The following HADHA variants were observed in gnomAD, a reference collection of about 807,000 sequenced individuals.
HADHA encodes the protein hydroxyacyl-CoA dehydrogenase trifunctional multienzyme complex subunit alpha.
A neutral mutation model predicts 91.3 loss-of-function variants in HADHA; 59 were observed. The ratio of observed to expected loss-of-function variants is 0.65; its 90% CI spans 0.52 to 0.80. The LOEUF (loss-of-function observed/expected upper bound fraction) is 0.80, where lower values mean the gene tolerates loss of function less well. HADHA is among the 30% of genes least tolerant of loss of function. The pLI is 0.00. For missense variants in HADHA, 800 were observed against 927.6 expected, an observed-to-expected ratio of 0.86 and a Z score of 1.79; for synonymous variants, 320 against 338.9, an observed-to-expected ratio of 0.94 and a Z score of 0.61.
At chr2:26,225,128 T>C (rs571442396) in intron 7 of HADHA, among the ~76,000 whole-genome samples, 1 of 152,278 alleles carries the variant, frequency 6.6e-6, no homozygotes, top group African/African-American at 2.4e-5. Flanking sequence ...AGCCCAGGAA[T>C]TACTGGTTAA....
At chr2:26,212,364 G>T in intron 10 of HADHA, 1 of 578,258 alleles carries the variant, frequency 1.7e-6, no homozygotes, top group Non-Finnish European at 3.1e-6. Flanking sequence ...TGGGATTACA[G>T]GGGTAAACCA....
chr2:26,199,898 T>C (rs1359776442), intron 13 of HADHA, among the ~76,000 whole-genome samples: 2 of 152,146 alleles, frequency 1.3e-5, no homozygotes, highest in Non-Finnish European at 2.9e-5. Flanking sequence ...TCCTGCGGAA[T>C]GCAGCCCAGG....
Position 26,222,160 on chromosome 2 carries a change from GA to G in HADHA, c.677-6986del, listed in dbSNP as rs142337048. Among the ~76,000 whole-genome samples the G allele has an allele frequency of 5.4e-3, 819 of 152,244 alleles. 6 individuals carry two copies. The highest frequency in any genetic ancestry group is 0.019 in the African/African-American group (794 of 41,550). ...AATCTGACTGGTATCCTTATGAGAA[GA>G]AAAAATTTGGAAACACAAAAGAGAT... On this transcript the variant is annotated intron_variant, in intron 7 of 19. Coordinates refer to ENST00000380649, the MANE Select transcript of HADHA (RefSeq NM_000182.5).
At chr2:26,195,071 C>G (rs541108033) in intron 15 of HADHA, 21 bp downstream of exon 15, 1 of 1,603,128 alleles carries the variant, frequency 6.2e-7, no homozygotes, top group African/African-American at 1.3e-5. Flanking sequence ...AACTCTGCAG[C>G]TCTGTTATAC....
chr2:26,231,928 C>G (rs1670633137), intron 6 of HADHA, among the ~76,000 whole-genome samples: 1 of 146,234 alleles, frequency 6.8e-6, no homozygotes, highest in Non-Finnish European at 1.5e-5. Context: ...GAGATCACAC[C>G]ACTGCACTCT....
chr2:26,217,448 A>G (rs898954992), intron 7 of HADHA, among the ~76,000 whole-genome samples: 9 of 152,246 alleles, frequency 5.9e-5, no homozygotes, highest in African/African-American at 2.2e-4. Context: ...CTATAAGCCC[A>G]TATGTCCAAG....
Position 26,194,757 on chromosome 2 carries a change from C to A in HADHA, c.1621-119G>T, listed in dbSNP as rs144735754. ...AAAGTCACTGTAAAACTTAAGGTGA[C>A]TTAAAATCTCAATCAGAATCCTTAA... is the stretch of plus-strand genomic sequence containing the variant. On this transcript the variant is annotated intron_variant, in intron 15 of 19. Transcript: ENST00000380649. The A allele has an allele frequency of 6.6e-6, 5 of 760,682 alleles. No individual in the cohort carries two copies. In the African/African-American group the frequency reaches 6.8e-5, roughly 10 times the overall value. 47.1% of individuals were successfully genotyped at this position (760,682 alleles called of 1,614,324 possible). A position where few individuals can be genotyped will look rare whatever the true frequency, so the allele number is the denominator to read the frequency against.
At position 26,197,712 on chromosome 2, in the gene HADHA, A is replaced by C; in HGVS notation, c.1458T>G (p.Ala486=). The C allele has an allele frequency of 6.6e-7, 1 of 1,514,256 alleles. No individual in the cohort carries two copies. The highest frequency in any genetic ancestry group is 9.2e-7 in the Non-Finnish European group (1 of 1,088,532). The allele number at this position is 1,514,256 out of a possible 1,614,324, so 93.8% of individuals were successfully genotyped here. ...TSALPISEIA[A]VSKRPEKVIG... ...TTACCTTCTCAGGTCTTTTGCTGAC[A>C]GCAGCGATTTCACTGATTGGGAGAG... The change falls in exon 14 of 20, where the codon GCT becomes GCG. Residue 486 remains alanine (A), a synonymous_variant. Transcript: ENST00000380649.
At chr2:26,193,929 CAAA>C (rs1368076809) in intron 16 of HADHA, among the ~76,000 whole-genome samples, 157 bp from the exon 17 acceptor site, 1 of 152,198 alleles carries the variant, frequency 6.6e-6, no homozygotes, top group African/African-American at 2.4e-5. Context: ...CAGGGAAGCA[CAAA>C]GAAGTTTGGG....
chr2:26,191,561 G>A lies in HADHA; in HGVS notation c.2068C>T (p.Gln690Ter), dbSNP rs2147749360. The change falls in exon 19 of 20, where the codon CAA becomes TAA. Residue 690 changes from glutamine to a stop codon, truncating the protein, a stop_gained. Transcript: ENST00000380649. LOFTEE classifies it high-confidence loss of function. ...RFVNEAVMCL[Q>*]EGILATPAEG... is the part of the protein sequence containing the mutation. ...GCAGGTGTGGCCAAGATCCCCTCTT[G>A]CAGGCACATGACTGCCTCATTCACA... The A allele has an allele frequency of 1.9e-6, 3 of 1,614,098 alleles. No homozygotes were observed. Among genetic ancestry groups the A allele is most frequent in the Non-Finnish European group, 1.7e-6 (2 of 1,179,942 alleles).
intron 5 of HADHA, 112 bp downstream of exon 5, chr2:26,234,105 C>T (rs1670689689): frequency 3.8e-6 from 4 of 1,059,630 alleles, no homozygotes; most frequent in Non-Finnish European, 5.8e-6. Flanking sequence ...AAAAACAAAG[C>T]GGATTCTCCT....
At chr2:26,203,747 G>C (rs150879966) in intron 12 of HADHA, among the ~76,000 whole-genome samples, 2 of 152,146 alleles carry the variant, frequency 1.3e-5, no homozygotes, top group African/African-American at 2.4e-5. Context: ...GGCCTGATAC[G>C]AAAGTGTAAA....
chr2:26,202,749 A>C (rs1669878736), intron 12 of HADHA, among the ~76,000 whole-genome samples: 1 of 152,228 alleles, frequency 6.6e-6, no homozygotes, highest in Admixed American at 6.5e-5. Context: ...AAAAGAAACA[A>C]AAACATCAAA....
At chr2:26,200,968 G>A (rs969892959) in intron 13 of HADHA, among the ~76,000 whole-genome samples, 181 bp downstream of exon 13, 17 of 152,046 alleles carry the variant, frequency 1.1e-4, no homozygotes, top group African/African-American at 2.2e-4. Flanking sequence ...TCCTTACCTC[G>A]TGATCCGCCC....
At chr2:26,244,498 G>A (rs769183038) in intron 1 of HADHA, 32 bp downstream of exon 1, 1 of 1,555,762 alleles carries the variant, frequency 6.4e-7, no homozygotes, top group South Asian at 1.2e-5. Flanking sequence ...AGTTCTGCCC[G>A]GAGGTCTGGG....
In HADHA at chr2:26,195,249, A is replaced by C. The variant is rs1010603403; in HGVS notation, c.1480-17T>G. ...GCCAATCACCTGGCAAGGGGAACCA[A>C]AAGCCAACAGATCGGAGAATGCGGG... On this transcript the variant is annotated splice_polypyrimidine_tract_variant and intron_variant, in intron 14 of 19. Coordinates refer to ENST00000380649, the MANE Select transcript of HADHA (RefSeq NM_000182.5). The C allele has an allele frequency of 1.2e-6, 2 of 1,608,744 alleles. No individual in the cohort carries two copies. The highest frequency in any genetic ancestry group is 1.7e-6 in the Non-Finnish European group (2 of 1,175,296).
chr2:26,204,212 G>A lies in HADHA; in HGVS notation c.1086-16C>T. ...AGCCAGATGCCTGCAAGGCAAGGATGAAATGACTTTCGGTAAACTGATCTT... is the reference window on the plus strand; with the variant it reads ...AGCCAGATGCCTGCAAGGCAAGGATAAAATGACTTTCGGTAAACTGATCTT... On this transcript the variant is annotated splice_polypyrimidine_tract_variant and intron_variant, in intron 11 of 19. Transcript: ENST00000380649. 6.2e-7 allele frequency: 1 copy of A among 1,613,032 alleles called. No individual in the cohort carries two copies. Among genetic ancestry groups the A allele is most frequent in the Non-Finnish European group, 8.5e-7 (1 of 1,178,986 alleles).
intron 7 of HADHA, among the ~76,000 whole-genome samples, chr2:26,220,941 TG>T (rs1308258224): frequency 6.6e-6 from 1 of 152,284 alleles, no homozygotes; most frequent in East Asian, 1.9e-4. Flanking sequence ...TGTCAGAAGG[TG>T]GGAAATAAAT....
At chr2:26,199,080 TAA>T (rs1669761127) in intron 13 of HADHA, among the ~76,000 whole-genome samples, 1 of 152,066 alleles carries the variant, frequency 6.6e-6, no homozygotes, top group Non-Finnish European at 1.5e-5. Context: ...TAGTTTTTAG[TAA>T]AGACAGGGTT....
Sources: allele counts gnomAD v4.1 joint callset (sites outside exome capture counted in the v4.1 genomes callset), GRCh38; gene constraint gnomAD v4.1.1; transcripts MANE v1.5; gene names NCBI Gene and HGNC (gene_info 2026-07-23, HGNC 2026-07-21).